Variants in CALN1 observed in about 807,000 individuals in gnomAD.
CALN1 encodes calneuron 1.
CALN1 carries 17 observed loss-of-function variants against 30.6 expected under a neutral mutation model. The observed-to-expected ratio is 0.56, with a 90% confidence interval of 0.38 to 0.83. The LOEUF is 0.83. Ranked by LOEUF, CALN1 falls within the 40% of genes least tolerant of loss-of-function variation. CALN1 has a pLI of 0.00. For missense variants in CALN1, 291 were observed against 354.9 expected (o/e 0.82, Z 1.45); for synonymous variants, 156 against 131.4 (o/e 1.19, Z -1.28).
At chr7:71,812,718 CATTTCTCAAAGCCCCCATTTCT>C (rs1195519235) in intron 5 of CALN1, among the ~76,000 whole-genome samples, 3 of 151,918 alleles carry the variant, frequency 2.0e-5, no homozygotes, top group African/African-American at 7.3e-5. Context: ...CCTATCCACA[CATTTCTCAAAGCCCCCATTTCT>C]ATTTCTAGTT....
At chr7:72,107,301 G>A (rs1807243530) in intron 3 of CALN1, among the ~76,000 whole-genome samples, 1 of 152,216 alleles carries the variant, frequency 6.6e-6, no homozygotes, top group Admixed American at 6.5e-5. Flanking sequence ...AGCTCTTCCA[G>A]CCTCATAGGA....
intron 3 of CALN1, among the ~76,000 whole-genome samples, chr7:72,201,612 A>C (rs578029799): frequency 5.9e-5 from 9 of 152,192 alleles, no homozygotes; most frequent in African/African-American, 2.2e-4. Context: ...AAAAAAAAGA[A>C]AAAGAAAAAC....
intron 1 of CALN1, among the ~76,000 whole-genome samples, chr7:72,411,592 C>A (rs544159850): frequency 6.6e-6 from 1 of 152,276 alleles, no homozygotes; most frequent in East Asian, 1.9e-4. Context: ...AAATTGTAGT[C>A]TCAAAATACC....
intron 3 of CALN1, among the ~76,000 whole-genome samples, chr7:72,232,438 G>A (rs760705164): frequency 2.0e-5 from 3 of 151,160 alleles, no homozygotes; most frequent in African/African-American, 4.9e-5. Flanking sequence ...CAATGGACTC[G>A]TAGAAAGCTT....
chr7:71,790,902 G>T (rs1793344947), intron 6 of CALN1, among the ~76,000 whole-genome samples: 1 of 152,064 alleles, frequency 6.6e-6, no homozygotes. Context: ...TGAAATCAGG[G>T]GTGTTGAAGA....
chr7:71,803,650 T>G (rs1004251827), intron 6 of CALN1, among the ~76,000 whole-genome samples: 1 of 152,090 alleles, frequency 6.6e-6, no homozygotes, highest in Non-Finnish European at 1.5e-5. Context: ...AATTTTTGTA[T>G]TTTTAGTAGA....
intron 2 of CALN1, among the ~76,000 whole-genome samples, chr7:72,292,177 T>A (rs1261727333): frequency 1.3e-5 from 2 of 151,928 alleles, no homozygotes; most frequent in African/African-American, 2.4e-5. Flanking sequence ...CAACCCAATA[T>A]AACAGAATAT....
At chr7:71,956,957 C>T (rs1309122335) in intron 5 of CALN1, among the ~76,000 whole-genome samples, 2 of 152,116 alleles carry the variant, frequency 1.3e-5, no homozygotes, top group Non-Finnish European at 2.9e-5. Flanking sequence ...CTTGGCCTCC[C>T]AAAGTGCTGG....
intron 3 of CALN1, among the ~76,000 whole-genome samples, chr7:72,214,113 C>T (rs750311757): frequency 1.3e-5 from 2 of 152,328 alleles, no homozygotes; most frequent in South Asian, 2.1e-4. Context: ...ATGAATGATG[C>T]ACAAACAGTT....
intron 3 of CALN1, among the ~76,000 whole-genome samples, chr7:72,202,406 A>G (rs564541176): frequency 1.3e-5 from 2 of 152,342 alleles, no homozygotes; most frequent in East Asian, 3.9e-4. Flanking sequence ...AAAGAAATAG[A>G]AAACATCTTT....
chr7:72,209,206 C>G (rs1234084902), intron 3 of CALN1, among the ~76,000 whole-genome samples: 1 of 125,478 alleles, frequency 8.0e-6, no homozygotes, highest in African/African-American at 3.5e-5. Context: ...CCCTCCTTCC[C>G]TCCTTCCTTC....
intron 6 of CALN1, among the ~76,000 whole-genome samples, chr7:71,809,623 A>C (rs1053429586): frequency 6.6e-6 from 1 of 152,008 alleles, no homozygotes; most frequent in African/African-American, 2.4e-5. Flanking sequence ...TCTGATTTTC[A>C]AAGTTGGAAA....
chr7:71,991,707 T>C (rs1798963700), intron 5 of CALN1, among the ~76,000 whole-genome samples: 1 of 152,264 alleles, frequency 6.6e-6, no homozygotes, highest in African/African-American at 2.4e-5. Context: ...AAGGGACAGA[T>C]ACTTAAAAGT....
intron 1 of CALN1, among the ~76,000 whole-genome samples, chr7:72,404,095 T>C (rs772589170): frequency 6.6e-6 from 1 of 152,218 alleles, no homozygotes; most frequent in Non-Finnish European, 1.5e-5. Context: ...TCTGGTATCG[T>C]TACCACCTAC....
At chr7:72,075,600 T>G (rs844748) in intron 4 of CALN1, among the ~76,000 whole-genome samples, 1,530 of 152,306 alleles carry the variant, frequency 0.01, 23 homozygotes, top group African/African-American at 0.035. Context: ...AATGCTCCTC[T>G]TCCAGCCTGT....
In CALN1 at chr7:72,389,796, G is replaced by T. The variant is rs535319147; in HGVS notation, c.119+13455C>A. On this transcript the variant is annotated intron_variant, in intron 2 of 6. Coordinates refer to ENST00000395275, the MANE Select transcript of CALN1 (RefSeq NM_031468.4). ...TAGCTAGGCACAGTGGTGCATGCCT[G>T]TAATCCCAGCTACTCGGGAGGCTGA... Among the ~76,000 whole-genome samples the T allele has an allele frequency of 2.6e-5, 4 of 152,210 alleles. No homozygotes were observed. In the South Asian group the frequency reaches 8.3e-4, roughly 32 times the overall value.
At chr7:72,212,138 G>T (rs1792445900) in intron 3 of CALN1, among the ~76,000 whole-genome samples, 1 of 152,218 alleles carries the variant, frequency 6.6e-6, no homozygotes, top group African/African-American at 2.4e-5. Context: ...AGATAAGGAG[G>T]TCAGGAGATG....
intron 5 of CALN1, among the ~76,000 whole-genome samples, chr7:71,923,523 C>T (rs1470622470): frequency 6.6e-6 from 1 of 152,106 alleles, no homozygotes; most frequent in African/African-American, 2.4e-5. Flanking sequence ...TCTATTATTC[C>T]AAATCTTTCA....
chr7:72,005,473 C>A (rs764022536), intron 5 of CALN1, among the ~76,000 whole-genome samples: 15 of 152,012 alleles, frequency 9.9e-5, no homozygotes, highest in Non-Finnish European at 1.5e-4. Flanking sequence ...GGACTACAGG[C>A]ACACACCACC....
Sources: allele counts gnomAD v4.1 joint callset (sites outside exome capture counted in the v4.1 genomes callset), GRCh38; gene constraint gnomAD v4.1.1; transcripts MANE v1.5; gene names NCBI Gene and HGNC (gene_info 2026-07-23, HGNC 2026-07-21).